CRY2: variants seen among roughly 807,000 people sequenced by gnomAD.
The protein encoded by CRY2 is cryptochrome circadian regulator 2.
CRY2 carries 31 observed loss-of-function variants against 69.5 expected under a neutral mutation model. The ratio of observed to expected loss-of-function variants is 0.45; its 90% CI spans 0.34 to 0.60. The LOEUF is 0.60. Ranked by LOEUF, CRY2 falls within the 20% of genes least tolerant of loss-of-function variation. CRY2 has a pLI of 0.02. For missense variants in CRY2, 606 were observed against 797.8 expected, an observed-to-expected ratio of 0.76 and a Z score of 2.90; for synonymous variants, 303 against 312.2, an observed-to-expected ratio of 0.97 and a Z score of 0.31.
chr11:45,874,726 C>T (rs1418801384), intron 11 of CRY2, among the ~76,000 whole-genome samples: 1 of 152,110 alleles, frequency 6.6e-6, no homozygotes. Context: ...AGGTGGATCA[C>T]GAGGTCAGGA....
At chr11:45,862,221 T>C in intron 5 of CRY2, 73 bp downstream of exon 5, 1 of 1,400,118 alleles carries the variant, frequency 7.1e-7, no homozygotes, top group Non-Finnish European at 9.9e-7. Flanking sequence ...GTCATGTCCA[T>C]GTCCTTTAGT....
intron 1 of CRY2, among the ~76,000 whole-genome samples, chr11:45,850,698 G>A (rs777129488): frequency 7.9e-5 from 12 of 152,124 alleles, no homozygotes; most frequent in Non-Finnish European, 1.0e-4. Context: ...TAAGAGAATT[G>A]TGCTGCAGCA....
chr11:45,864,295 G>A (rs2086312361), intron 5 of CRY2, among the ~76,000 whole-genome samples: 1 of 152,174 alleles, frequency 6.6e-6, no homozygotes, highest in African/African-American at 2.4e-5. Flanking sequence ...GGCATAAAAT[G>A]TGCAGATTAA....
intron 1 of CRY2, among the ~76,000 whole-genome samples, chr11:45,855,611 T>G (rs1348542056): frequency 6.6e-6 from 1 of 152,228 alleles, no homozygotes; most frequent in East Asian, 1.9e-4. Flanking sequence ...CAGCTCACAT[T>G]TATCTCATGA....
chr11:45,870,756 C>A, intron 9 of CRY2, 86 bp from the exon 10 acceptor site: 1 of 1,234,728 alleles, frequency 8.1e-7, no homozygotes, highest in Non-Finnish European at 1.2e-6. Context: ...CTCCTACCCT[C>A]CCCACCCCCA....
At chr11:45,858,187 C>T (rs1392068929) in intron 2 of CRY2, 1 of 152,360 alleles carries the variant, frequency 6.6e-6, no homozygotes, top group Non-Finnish European at 1.5e-5. Context: ...ATCGCTTCCC[C>T]TTTCCTGACT....
intron 4 of CRY2, chr11:45,861,822 G>T: frequency 2.1e-6 from 1 of 482,750 alleles, no homozygotes; most frequent in South Asian, 2.6e-5. Context: ...CAGGAGGTCC[G>T]GGATTGTTGT....
chr11:45,857,278 G>T (rs1022572684), intron 2 of CRY2, among the ~76,000 whole-genome samples: 2 of 152,136 alleles, frequency 1.3e-5, no homozygotes, highest in Non-Finnish European at 1.5e-5. Context: ...GGCCTAAGAG[G>T]TGGCTACTGC....
intron 5 of CRY2, among the ~76,000 whole-genome samples, chr11:45,863,889 G>C (rs530846777): frequency 1.3e-5 from 2 of 152,274 alleles, no homozygotes; most frequent in African/African-American, 4.8e-5. Context: ...GAAAAGCAGA[G>C]GAAGCTACAT....
At chr11:45,850,519 C>G (rs2086190181) in intron 1 of CRY2, among the ~76,000 whole-genome samples, 1 of 152,142 alleles carries the variant, frequency 6.6e-6, no homozygotes, top group African/African-American at 2.4e-5. Context: ...AGACACACTC[C>G]TACCACCTCC....
chr11:45,853,330 G>T (rs1368888187), intron 1 of CRY2, among the ~76,000 whole-genome samples: 2 of 152,050 alleles, frequency 1.3e-5, no homozygotes, highest in Non-Finnish European at 2.9e-5. Flanking sequence ...TAGTTGCTGG[G>T]TTCAGAGTTG....
In CRY2 at chr11:45,872,160, G is replaced by C. The variant is rs141568119; in HGVS notation, c.1711G>C (p.Gly571Arg). 213 of 1,614,040 alleles carry C rather than the reference G, an allele frequency of 1.3e-4. No individual in the cohort carries two copies. Among genetic ancestry groups the C allele is most frequent in the Non-Finnish European group, 1.7e-4 (203 of 1,180,030 alleles). ...GCTGGAAGCAGCCGAGGAACCACCT[G>C]GTGAAGAACTCAGCAAACGGGCCCG... Reference protein sequence around the residue: ...RKLEAAEEPPGEELSKRARVA... With the variant: ...RKLEAAEEPPREELSKRARVA... Residue 571 changes from glycine (G) to arginine (R), a missense_variant, in exon 11 of 12, where the codon GGT (glycine) becomes CGT (arginine). Around this residue, in one of 5 missense-constraint regions of CRY2, gnomAD observed 173 missense variants for 213.7 expected, o/e 0.81. Transcript: ENST00000616080.
At chr11:45,847,277 A>C, upstream of CRY2, 5 of 1,547,974 alleles carry the variant, frequency 3.2e-6, no homozygotes, top group Non-Finnish European at 4.4e-6. Flanking sequence ...GCGGACCCAC[A>C]CATGGTAGGA....
chr11:45,851,244 C>A (rs1157964364), intron 1 of CRY2, among the ~76,000 whole-genome samples: 1 of 152,200 alleles, frequency 6.6e-6, no homozygotes, highest in South Asian at 2.1e-4. Flanking sequence ...AGCAACAGTT[C>A]CTCTTCCACT....
chr11:45,876,842 C>T (rs1424459529), intron 11 of CRY2, among the ~76,000 whole-genome samples: 2 of 152,204 alleles, frequency 1.3e-5, no homozygotes, highest in East Asian at 1.9e-4. Flanking sequence ...GAAGTGAAGG[C>T]AGTGTGGCAT....
At chr11:45,856,551 C>T (rs767898219) in intron 2 of CRY2, among the ~76,000 whole-genome samples, 1 of 152,238 alleles carries the variant, frequency 6.6e-6, no homozygotes, top group Non-Finnish European at 1.5e-5. Context: ...AATCCCAGCA[C>T]TTTGGGAGGC....
intron 11 of CRY2, among the ~76,000 whole-genome samples, chr11:45,879,755 A>G (rs1305438910): frequency 6.6e-6 from 1 of 152,226 alleles, no homozygotes; most frequent in Non-Finnish European, 1.5e-5. Flanking sequence ...ATGACAAAGT[A>G]CCACAGACTG....
intron 1 of CRY2, among the ~76,000 whole-genome samples, chr11:45,853,275 G>A (rs777076019): frequency 6.6e-6 from 1 of 152,160 alleles, no homozygotes. Flanking sequence ...CATTGTAAAT[G>A]CTTATTAAAT....
chr11:45,870,575 C>G, intron 9 of CRY2, 43 bp downstream of exon 9: 2 of 1,603,338 alleles, frequency 1.2e-6, no homozygotes, highest in African/African-American at 2.7e-5. Context: ...AAGGACAGCA[C>G]CTACAGGCTC....
Sources: gnomAD v4.1 joint callset for allele counts (sites outside exome capture counted in the v4.1 genomes callset) on GRCh38, gnomAD v4.1.1 for gene constraint, gnomAD v4.1.1 regional missense constraint, MANE v1.5 for transcripts, NCBI Gene and HGNC (gene_info 2026-07-23, HGNC 2026-07-21) for gene names.